The following DENND5B variants were observed in gnomAD, a reference collection of about 807,000 sequenced individuals.
The protein encoded by DENND5B is DENN domain-containing protein 5B.
In DENND5B, 34 loss-of-function variants were observed where a neutral mutation model predicts 140.6. The observed-to-expected ratio is 0.24, with a 90% CI of 0.18 to 0.32. The LOEUF is 0.32. Ranked by LOEUF, DENND5B falls within the 10% of genes least tolerant of loss-of-function variation. The probability of loss-of-function intolerance (pLI) is 1.00; values close to 1 mark genes in which losing one functional copy is unlikely to be tolerated. For missense variants in DENND5B, 1,142 were observed against 1,560.2 expected, an observed-to-expected ratio of 0.73 and a Z score of 4.52; for synonymous variants, 551 against 562.1, an observed-to-expected ratio of 0.98 and a Z score of 0.28.
chr12:31,556,835 TATG>T (rs1383579897), intron 1 of DENND5B, among the ~76,000 whole-genome samples: 1 of 152,120 alleles, frequency 6.6e-6, no homozygotes, highest in Non-Finnish European at 1.5e-5. Flanking sequence ...AAATTGGCAA[TATG>T]ATTAAAAAAA....
chr12:31,488,131 ATTT>A (rs68139114), intron 2 of DENND5B, among the ~76,000 whole-genome samples: 5 of 135,418 alleles, frequency 3.7e-5, no homozygotes, highest in Non-Finnish European at 6.4e-5. Flanking sequence ...ATACCCGGCT[ATTT>A]TTTTTTTTTT....
chr12:31,427,724 T>C (rs927969340), intron 8 of DENND5B, among the ~76,000 whole-genome samples: 18 of 152,068 alleles, frequency 1.2e-4, no homozygotes, highest in African/African-American at 4.1e-4. Context: ...CTACATTATA[T>C]AGTAAAAGTA....
Position 31,402,521 on chromosome 12 carries a change from T to A in DENND5B, c.2926A>T (p.Asn976Tyr). Residue 976 changes from asparagine (N) to tyrosine (Y), a missense_variant, in exon 15 of 21, where the codon AAC becomes TAC. Physicochemically the swap from Asn to Tyr is moderately radical, Grantham distance 143. Transcript: ENST00000389082. ...GDTGVMQIPK[N>Y]LLEMTFECQN... is the part of the protein sequence containing the mutation. ...ACCTCAAAGGTCATTTCGAGGAGGT[T>A]TTTGGGAATCTGCATTACTCCTGTG... The A allele has an allele frequency of 6.2e-7, 1 of 1,613,528 alleles. No individual in the cohort carries two copies. Among genetic ancestry groups the A allele is most frequent in the Non-Finnish European group, 8.5e-7 (1 of 1,179,718 alleles).
intron 11 of DENND5B, among the ~76,000 whole-genome samples, chr12:31,422,443 A>T (rs1294072224): frequency 1.4e-5 from 2 of 144,040 alleles, no homozygotes; most frequent in East Asian, 4.0e-4. Context: ...AATAAAAATT[A>T]AAAAAAAAAA....
At chr12:31,568,222 A>G (rs1446965343) in intron 1 of DENND5B, among the ~76,000 whole-genome samples, 1 of 152,256 alleles carries the variant, frequency 6.6e-6, no homozygotes, top group East Asian at 1.9e-4. Flanking sequence ...GGCTACATGA[A>G]TAAGGTACAT....
chr12:31,543,087 T>C (rs1001584115), intron 1 of DENND5B, among the ~76,000 whole-genome samples: 1 of 152,072 alleles, frequency 6.6e-6, no homozygotes, highest in African/African-American at 2.4e-5. Flanking sequence ...TAGTCCCAAC[T>C]ACCTGGGAGG....
intron 1 of DENND5B, among the ~76,000 whole-genome samples, chr12:31,542,909 C>CT (rs1948735484): frequency 6.6e-6 from 1 of 152,136 alleles, no homozygotes; most frequent in South Asian, 2.1e-4. Context: ...GGAGCCAAGA[C>CT]TGTGCCACCA....
intron 1 of DENND5B, among the ~76,000 whole-genome samples, chr12:31,512,912 CATT>C (rs1487925554): frequency 1.3e-5 from 2 of 152,122 alleles, no homozygotes; most frequent in African/African-American, 4.8e-5. Flanking sequence ...GTATTTGGTA[CATT>C]ATTAGCGAAA....
intron 1 of DENND5B, among the ~76,000 whole-genome samples, chr12:31,576,824 G>A (rs1432751521): frequency 1.3e-5 from 2 of 151,502 alleles, no homozygotes; most frequent in Admixed American, 6.6e-5. Flanking sequence ...CCAGGAGTTT[G>A]GGAGATCAAG....
chr12:31,533,273 C>A (rs1351400594), intron 1 of DENND5B, among the ~76,000 whole-genome samples: 1 of 151,920 alleles, frequency 6.6e-6, no homozygotes, highest in Non-Finnish European at 1.5e-5. Flanking sequence ...ATTTAAAAAG[C>A]CAATACAACA....
rs1472605529 is a variant in DENND5B, at chr12:31,392,269, A to G, written c.3464T>C (p.Ile1155Thr). ...TAATACACATCTACTTTATTTACCT[A>G]TGAAGTCCCAGATGAAGACATTCTT... ...FHKNVFIWDFIEKVVAYFETT... is the reference protein window; with the variant it reads ...FHKNVFIWDFTEKVVAYFETT... Residue 1155 changes from isoleucine (I) to threonine (T), a missense_variant and splice_region_variant, in exon 19 of 21, where the codon ATA becomes ACA. Ile to Thr is a moderately conservative substitution (Grantham distance 89). Transcript: ENST00000389082. 6.2e-7 allele frequency: 1 copy of G among 1,613,704 alleles called. No individual in the cohort carries two copies. Among genetic ancestry groups the G allele is most frequent in the African/African-American group, 1.3e-5 (1 of 74,886 alleles).
intron 1 of DENND5B, among the ~76,000 whole-genome samples, chr12:31,533,830 A>G (rs1386832309): frequency 6.6e-6 from 1 of 152,030 alleles, no homozygotes; most frequent in Non-Finnish European, 1.5e-5. Flanking sequence ...ACACCTAGCT[A>G]ACTGCTTTCC....
chr12:31,496,256 G>A (rs974616738), intron 1 of DENND5B, among the ~76,000 whole-genome samples: 1 of 152,156 alleles, frequency 6.6e-6, no homozygotes, highest in Non-Finnish European at 1.5e-5. Flanking sequence ...CTTCAGAAAA[G>A]AAAAGTCTTA....
At chr12:31,536,322 T>TACAACAAAATTCAAG (rs1196177186) in intron 1 of DENND5B, among the ~76,000 whole-genome samples, 2 of 152,012 alleles carry the variant, frequency 1.3e-5, no homozygotes, top group Non-Finnish European at 2.9e-5. Flanking sequence ...AAATTCAAGA[T>TACAACAAAATTCAAG]AACACGGAGA....
intron 1 of DENND5B, among the ~76,000 whole-genome samples, chr12:31,524,367 G>A (rs1565663270): frequency 1.3e-5 from 2 of 152,036 alleles, no homozygotes; most frequent in African/African-American, 2.4e-5. Context: ...AAGAAGCCTG[G>A]TTGGGACGGG....
intron 4 of DENND5B, among the ~76,000 whole-genome samples, chr12:31,454,096 C>A (rs11051435): frequency 0.57 from 85,788 of 150,066 alleles, 24,969 homozygotes; most frequent in East Asian, 0.82. Flanking sequence ...GAGCTAAGAT[C>A]GTGCCACTGC....
At chr12:31,564,771 T>G (rs879444936) in intron 1 of DENND5B, among the ~76,000 whole-genome samples, 23 of 151,706 alleles carry the variant, frequency 1.5e-4, no homozygotes, top group Non-Finnish European at 3.1e-4. Context: ...GTATTTTTTT[T>G]AGAGACAGGG....
intron 2 of DENND5B, among the ~76,000 whole-genome samples, chr12:31,494,399 T>C (rs971103112): frequency 7.9e-5 from 12 of 152,010 alleles, no homozygotes; most frequent in African/African-American, 2.9e-4. Flanking sequence ...TAATCAGCAC[T>C]GGTAACTCAT....
intron 1 of DENND5B, among the ~76,000 whole-genome samples, chr12:31,589,211 T>C (rs1185786362): frequency 1.3e-5 from 2 of 152,104 alleles, no homozygotes; most frequent in Non-Finnish European, 2.9e-5. Context: ...TCTAGAAAAA[T>C]AACAATATTC....
Sources: gnomAD v4.1 joint callset for allele counts (sites outside exome capture counted in the v4.1 genomes callset) on GRCh38, gnomAD v4.1.1 for gene constraint, MANE v1.5 for transcripts, NCBI Gene and HGNC (gene_info 2026-07-23, HGNC 2026-07-21) for gene names.